The following SORCS3 variants were observed in gnomAD, a reference collection of about 807,000 sequenced individuals.
The protein encoded by SORCS3 is VPS10 domain-containing receptor SorCS3.
SORCS3 carries 57 observed loss-of-function variants against 146.3 expected under a neutral mutation model. The ratio of observed to expected loss-of-function variants is 0.39; its 90% CI spans 0.31 to 0.49. SORCS3 has a LOEUF of 0.49. SORCS3 is among the 20% of genes least tolerant of loss of function. The probability of loss-of-function intolerance (pLI) is 0.92; values close to 1 mark genes in which losing one functional copy is unlikely to be tolerated. For missense variants in SORCS3, 1,341 were observed against 1,575.5 expected, an observed-to-expected ratio of 0.85 and a Z score of 2.52; for synonymous variants, 653 against 618.5, an observed-to-expected ratio of 1.06 and a Z score of -0.83.
chr10:104,956,888 A>G (rs1199291426), intron 3 of SORCS3, among the ~76,000 whole-genome samples: 4 of 152,196 alleles, frequency 2.6e-5, no homozygotes, highest in East Asian at 3.8e-4. Context: ...CCCCACAGAC[A>G]CCAAAATGAA....
chr10:104,956,157 C>T lies in SORCS3; in HGVS notation c.796-21178C>T, dbSNP rs149524911. 1.1e-3 allele frequency among the ~76,000 whole-genome samples: 167 copies of T among 152,262 alleles called. 4 individuals carry two copies. The South Asian group carries it at 0.017, about 15-fold the overall frequency. ...AGGTGATTCCTTTCAGGAATATAAG[C>T]ACTCTGGGGACATGGGGCTGGAACA... On this transcript the variant is annotated intron_variant, in intron 3 of 26. Coordinates refer to ENST00000369701, the MANE Select transcript of SORCS3 (RefSeq NM_014978.3).
chr10:104,790,693 AG>A (rs2017486671), intron 1 of SORCS3, among the ~76,000 whole-genome samples: 1 of 152,094 alleles, frequency 6.6e-6, no homozygotes, highest in Admixed American at 6.5e-5. Context: ...AGAGATTGTG[AG>A]TTGGTGATTG....
At chr10:104,897,347 A>G (rs1484888106) in intron 2 of SORCS3, among the ~76,000 whole-genome samples, 1 of 152,202 alleles carries the variant, frequency 6.6e-6, no homozygotes, top group African/African-American at 2.4e-5. Context: ...AATGATCTCA[A>G]ACCCAAAGGA....
intron 3 of SORCS3, among the ~76,000 whole-genome samples, chr10:104,918,594 C>T (rs1173436473): frequency 6.6e-6 from 1 of 152,144 alleles, no homozygotes; most frequent in Non-Finnish European, 1.5e-5. Flanking sequence ...AGCAGAGGCC[C>T]ACAGAGGACA....
chr10:104,705,264 G>C (rs904209224), intron 1 of SORCS3, among the ~76,000 whole-genome samples: 24 of 127,840 alleles, frequency 1.9e-4, no homozygotes, highest in Middle Eastern at 4.5e-3. Context: ...GCTGATTAGA[G>C]TTCCGGATTA....
At chr10:104,700,029 A>G (rs1042864004) in intron 1 of SORCS3, among the ~76,000 whole-genome samples, 2 of 152,218 alleles carry the variant, frequency 1.3e-5, no homozygotes, top group Non-Finnish European at 2.9e-5. Context: ...GCCACAGACC[A>G]GAATTAAGTC....
chr10:104,885,283 G>C lies in SORCS3; in HGVS notation c.696-30550G>C, dbSNP rs549031205. Among the ~76,000 whole-genome samples, 3 of 152,268 alleles carry C rather than the reference G, an allele frequency of 2.0e-5. No homozygotes were observed. In the South Asian group the frequency reaches 6.2e-4, roughly 32 times the overall value. On this transcript the variant is annotated intron_variant, in intron 2 of 26. Transcript: ENST00000369701. ...GAATCATAAGCCATGCCCTTTTCAG[G>C]ATCTTAACAACAAAGATCTCAAGGA...
intron 4 of SORCS3, among the ~76,000 whole-genome samples, chr10:104,986,975 T>C: frequency 6.6e-6 from 1 of 152,206 alleles, no homozygotes; most frequent in East Asian, 1.9e-4. Flanking sequence ...AAAATGGTGC[T>C]GATAGACTTG....
At chr10:105,201,643 CTT>C (rs997648914) in intron 16 of SORCS3, among the ~76,000 whole-genome samples, 3 of 152,216 alleles carry the variant, frequency 2.0e-5, no homozygotes, top group African/African-American at 7.2e-5. Flanking sequence ...TGACCTCTCT[CTT>C]GTTTCCTTTT....
chr10:105,095,057 A>G (rs569734571), intron 6 of SORCS3, among the ~76,000 whole-genome samples: 1 of 152,254 alleles, frequency 6.6e-6, no homozygotes, highest in East Asian at 1.9e-4. Context: ...AGTCTCACAT[A>G]TGGATGGTAC....
chr10:105,035,975 A>G (rs2696865), intron 4 of SORCS3, among the ~76,000 whole-genome samples: 44,854 of 151,832 alleles, frequency 0.3, 8,902 homozygotes, highest in African/African-American at 0.57. Flanking sequence ...ATACATTCTT[A>G]TGGAGTTGTC....
chr10:105,157,976 T>G (rs1239405202), intron 10 of SORCS3, among the ~76,000 whole-genome samples: 1 of 152,248 alleles, frequency 6.6e-6, no homozygotes, highest in Non-Finnish European at 1.5e-5. Flanking sequence ...TCAGAAAGAT[T>G]TATTAACCAC....
At chr10:104,710,938 A>G (rs886115133) in intron 1 of SORCS3, among the ~76,000 whole-genome samples, 1 of 152,174 alleles carries the variant, frequency 6.6e-6, no homozygotes, top group African/African-American at 2.4e-5. Context: ...GAGTAGATGG[A>G]ACAAAATGTT....
intron 7 of SORCS3, among the ~76,000 whole-genome samples, chr10:105,109,344 A>G (rs1241413972): frequency 2.0e-5 from 3 of 152,138 alleles, no homozygotes; most frequent in Non-Finnish European, 2.9e-5. Flanking sequence ...CTCTTGTCAG[A>G]TTCCTTTTTC....
chr10:105,146,394 TC>T (rs1054148158), intron 8 of SORCS3, among the ~76,000 whole-genome samples: 1 of 151,848 alleles, frequency 6.6e-6, no homozygotes, highest in Non-Finnish European at 1.5e-5. Context: ...ATAAAAATGA[TC>T]CAGTCCGGGA....
At chr10:105,259,684 C>G (rs2056949746) in intron 25 of SORCS3, among the ~76,000 whole-genome samples, 1 of 152,140 alleles carries the variant, frequency 6.6e-6, no homozygotes, top group African/African-American at 2.4e-5. Flanking sequence ...TCTGCTTTTT[C>G]TCTATCCAGG....
chr10:104,921,557 A>G (rs2019087859), intron 3 of SORCS3, among the ~76,000 whole-genome samples: 1 of 151,544 alleles, frequency 6.6e-6, no homozygotes. Flanking sequence ...ATAAGGTCTG[A>G]CATCAGTATA....
intron 1 of SORCS3, among the ~76,000 whole-genome samples, chr10:104,715,219 A>C (rs965804837): frequency 4.6e-5 from 7 of 152,208 alleles, no homozygotes; most frequent in Non-Finnish European, 8.8e-5. Flanking sequence ...AGACTGAGTA[A>C]GGAAGATTCC....
intron 20 of SORCS3, among the ~76,000 whole-genome samples, chr10:105,241,180 T>C (rs1259028086): frequency 1.3e-5 from 2 of 152,100 alleles, no homozygotes; most frequent in Non-Finnish European, 2.9e-5. Flanking sequence ...TGATGGAGGA[T>C]TTTTCTTGGC....
Sources: gnomAD v4.1 joint callset for allele counts (sites outside exome capture counted in the v4.1 genomes callset) on GRCh38, gnomAD v4.1.1 for gene constraint, MANE v1.5 for transcripts, NCBI Gene and HGNC (gene_info 2026-07-23, HGNC 2026-07-21) for gene names.